TRHR: variants seen among roughly 807,000 people sequenced by gnomAD.
The protein encoded by TRHR is thyrotropin releasing hormone receptor, also known as thyrotropin-releasing hormone receptor.
A neutral mutation model predicts 28.0 loss-of-function variants in TRHR; 14 were observed. The ratio of observed to expected loss-of-function variants is 0.50; its 90% confidence interval spans 0.33 to 0.78. The LOEUF is 0.78. Ranked by LOEUF, TRHR falls within the 30% of genes least tolerant of loss-of-function variation. The probability of loss-of-function intolerance (pLI) is 0.02; values close to 1 mark genes in which losing one functional copy is unlikely to be tolerated. For synonymous variants in TRHR, 176 were observed against 171.9 expected, an observed-to-expected ratio of 1.02 and a Z score of -0.18; for missense variants, 438 against 469.5, an observed-to-expected ratio of 0.93 and a Z score of 0.62.
chr8:109,105,320 A>G (rs1278889539), intron 2 of TRHR, among the ~76,000 whole-genome samples: 1 of 152,182 alleles, frequency 6.6e-6, no homozygotes, highest in African/African-American at 2.4e-5. Flanking sequence ...ACACTTGCCA[A>G]TGGTACGAAC....
At chr8:109,098,206 C>T (rs981634814) in intron 2 of TRHR, among the ~76,000 whole-genome samples, 27 of 151,788 alleles carry the variant, frequency 1.8e-4, no homozygotes, top group Non-Finnish European at 2.4e-4. Flanking sequence ...CTCGGCTCAC[C>T]GCAGCCTCAA....
In TRHR at chr8:109,087,904, T is replaced by A. The variant is rs771222349; in HGVS notation, c.392T>A (p.Ile131Asn). 2 of 1,614,202 alleles carry A rather than the reference T, an allele frequency of 1.2e-6. No individual in the cohort carries two copies. The highest frequency in any genetic ancestry group is 1.7e-5 in the Admixed American group (1 of 60,016). Residue 131 changes from isoleucine to asparagine, a missense_variant, in exon 2 of 3, where the codon ATC (isoleucine) becomes AAC (asparagine). Ile to Asn is a moderately radical substitution (Grantham distance 149, BLOSUM62 -3). Coordinates refer to ENST00000518632, the MANE Select transcript of TRHR (RefSeq NM_003301.7). Reference protein sequence around the residue: ...IERYIAICHPIKAQFLCTFSR... With the variant: ...IERYIAICHPNKAQFLCTFSR... ...AGGTACATAGCAATCTGTCACCCCA[T>A]CAAAGCCCAGTTTCTCTGCACATTT...
chr8:109,106,520 T>A lies in TRHR; in HGVS notation c.790-12528T>A, dbSNP rs191107197. 2.2e-4 allele frequency among the ~76,000 whole-genome samples: 34 copies of A among 152,282 alleles called. 1 individual carries two copies. The highest frequency in any genetic ancestry group is 2.0e-3 in the Admixed American group (30 of 15,282). On this transcript the variant is annotated intron_variant, in intron 2 of 2. Transcript: ENST00000518632. ...CCAATAATTCTTTATTTCTACAGAA[T>A]AACAGACTGTTCCCCGAAAAAATTT...
At chr8:109,103,907 A>G (rs1440702555) in intron 2 of TRHR, among the ~76,000 whole-genome samples, 5 of 152,162 alleles carry the variant, frequency 3.3e-5, no homozygotes. Flanking sequence ...AGCAATCTTG[A>G]TTTTTTAAAA....
chr8:109,090,594 G>T (rs1190599793), intron 2 of TRHR, among the ~76,000 whole-genome samples: 2 of 152,112 alleles, frequency 1.3e-5, no homozygotes, highest in Admixed American at 1.3e-4. Context: ...AGTGTGTCTT[G>T]TAATTCAACC....
At chr8:109,113,229 C>T (rs1053041303) in intron 2 of TRHR, among the ~76,000 whole-genome samples, 26 of 152,100 alleles carry the variant, frequency 1.7e-4, no homozygotes, top group Admixed American at 1.2e-3. Flanking sequence ...TGTTTACTAT[C>T]GCTAACTTCA....
In TRHR at chr8:109,087,911, C is replaced by G; in HGVS notation, c.399C>G (p.Ala133=). 1 of 1,614,146 alleles carries G rather than the reference C, an allele frequency of 6.2e-7. No individual in the cohort carries two copies. The highest frequency in any genetic ancestry group is 8.5e-7 in the Non-Finnish European group (1 of 1,180,026). ...TAGCAATCTGTCACCCCATCAAAGC[C>G]CAGTTTCTCTGCACATTTTCCAGAG... ...RYIAICHPIK[A]QFLCTFSRAK... Residue 133 remains alanine, a synonymous_variant, in exon 2 of 3, where the codon GCC becomes GCG. Transcript: ENST00000518632.
At chr8:109,115,304 T>C (rs1811903437) in intron 2 of TRHR, among the ~76,000 whole-genome samples, 1 of 152,262 alleles carries the variant, frequency 6.6e-6, no homozygotes, top group Admixed American at 6.5e-5. Context: ...GTGGGCTCTT[T>C]TTTGGTTCCA....
chr8:109,109,392 A>G (rs1811795588), intron 2 of TRHR, among the ~76,000 whole-genome samples: 2 of 152,080 alleles, frequency 1.3e-5, no homozygotes, highest in Non-Finnish European at 2.9e-5. Flanking sequence ...CATCAGTCTT[A>G]TCCTCTCTAA....
rs192231413 is a variant in TRHR at position 109,118,606 on chromosome 8, C to G, written c.790-442C>G. 6.6e-5 allele frequency among the ~76,000 whole-genome samples: 10 copies of G among 151,972 alleles called. No individual in the cohort carries two copies. The East Asian group carries it at 1.8e-3, about 27-fold the overall frequency. ...TGGGAAATATCCCACTTCAGGCATC[C>G]ACTGTACCATTTGTCTCTCCTCTTC... is the stretch of plus-strand genomic sequence containing the variant. On this transcript the variant is annotated intron_variant, in intron 2 of 2. Coordinates refer to ENST00000518632, the MANE Select transcript of TRHR (RefSeq NM_003301.7).
chr8:109,092,811 G>A (rs7843372), intron 2 of TRHR, among the ~76,000 whole-genome samples: 98,810 of 151,922 alleles, frequency 0.65, 32,501 homozygotes, highest in South Asian at 0.73. Flanking sequence ...TATAAAAGCA[G>A]TCATGTGTAT....
At chr8:109,096,161 C>T (rs183151966) in intron 2 of TRHR, among the ~76,000 whole-genome samples, 1 of 152,270 alleles carries the variant, frequency 6.6e-6, no homozygotes, top group Admixed American at 6.5e-5. Flanking sequence ...CGTGGCTCTC[C>T]CAACTTACAT....
chr8:109,113,116 G>T (rs973597927), intron 2 of TRHR, among the ~76,000 whole-genome samples: 1 of 151,996 alleles, frequency 6.6e-6, no homozygotes, highest in African/African-American at 2.4e-5. Context: ...TGATTTTCTG[G>T]ATATGCTTAA....
chr8:109,097,353 C>A (rs1422182918), intron 2 of TRHR, among the ~76,000 whole-genome samples: 1 of 152,134 alleles, frequency 6.6e-6, no homozygotes, highest in Non-Finnish European at 1.5e-5. Context: ...TATCTCCAAG[C>A]TTCTCTGAGG....
chr8:109,099,211 G>A (rs1811641600), intron 2 of TRHR, among the ~76,000 whole-genome samples: 1 of 152,250 alleles, frequency 6.6e-6, no homozygotes, highest in East Asian at 1.9e-4. Context: ...GAAGTGAGTG[G>A]TCAGGATCAG....
chr8:109,108,562 C>A (rs894986064), intron 2 of TRHR, among the ~76,000 whole-genome samples: 1 of 151,978 alleles, frequency 6.6e-6, no homozygotes, highest in African/African-American at 2.4e-5. Flanking sequence ...GTAACCATAC[C>A]CTAGAGAGCA....
rs1354647734 is a variant in TRHR, at chr8:109,087,674, G to A, written c.162G>A (p.Lys54=). The stretch of plus-strand genomic sequence containing the variant: ...TAGTCCTGGTTGTCATGAGAACCAA[G>A]CACATGAGGACCCCCACAAACTGCT... ...IMVVLVVMRT[K]HMRTPTNCYL... is the part of the protein sequence containing the mutation. The change falls in exon 2 of 3, where the codon AAG becomes AAA. Residue 54 remains lysine, a synonymous_variant. Coordinates refer to ENST00000518632, the MANE Select transcript of TRHR (RefSeq NM_003301.7). 3 of 1,614,004 alleles carry A rather than the reference G, an allele frequency of 1.9e-6. No individual in the cohort carries two copies. The highest frequency in any genetic ancestry group is 2.2e-5 in the East Asian group (1 of 44,878).
chr8:109,088,414 C>A, intron 2 of TRHR, 113 bp downstream of exon 2: 2 of 1,106,756 alleles, frequency 1.8e-6, no homozygotes, highest in Non-Finnish European at 2.7e-6. Flanking sequence ...TACAATCATG[C>A]AAATGTTTCA....
intron 2 of TRHR, among the ~76,000 whole-genome samples, chr8:109,096,929 ATTC>A (rs968943142): frequency 2.0e-5 from 3 of 152,220 alleles, no homozygotes; most frequent in African/African-American, 7.2e-5. Flanking sequence ...CATGTGACAT[ATTC>A]TTCTCTGATT....
Sources: allele counts gnomAD v4.1 joint callset (sites outside exome capture counted in the v4.1 genomes callset), GRCh38; gene constraint gnomAD v4.1.1; transcripts MANE v1.5; gene names NCBI Gene and HGNC (gene_info 2026-07-23, HGNC 2026-07-21).